MCC: variants seen among roughly 807,000 people sequenced by gnomAD.
The protein encoded by MCC is colorectal mutant cancer protein.
Under a neutral mutation model 116.2 loss-of-function variants are expected in MCC, and 90 were observed. That is an observed-to-expected ratio of 0.77 (90% CI 0.65 to 0.92). MCC has a LOEUF of 0.92. Among genes scored for constraint, MCC ranks in the 40% least tolerant of loss-of-function variants. The pLI, the probability that MCC is intolerant of heterozygous loss-of-function variation, is 0.00. For synonymous variants in MCC, 578 were observed against 510.5 expected (o/e 1.13, Z -1.78); for missense variants, 1,516 against 1,312.2 (o/e 1.16, Z -2.40).
intron 2 of MCC, among the ~76,000 whole-genome samples, chr5:113,383,461 T>C (rs775292852): frequency 1.3e-5 from 2 of 152,048 alleles, no homozygotes; most frequent in Non-Finnish European, 1.5e-5. Context: ...AAAGAAAAAC[T>C]GCAAGATACA....
At chr5:113,090,232 G>GT (rs1217156131) in intron 8 of MCC, among the ~76,000 whole-genome samples, 1 of 152,000 alleles carries the variant, frequency 6.6e-6, no homozygotes, top group Non-Finnish European at 1.5e-5. Flanking sequence ...AATAACAAAC[G>GT]TGATTTGCAG....
intron 3 of MCC, among the ~76,000 whole-genome samples, chr5:113,186,973 C>A (rs1330538121): frequency 6.6e-6 from 1 of 152,160 alleles, no homozygotes; most frequent in Non-Finnish European, 1.5e-5. Context: ...GCCCCCACAA[C>A]AATAATTATC....
intron 2 of MCC, among the ~76,000 whole-genome samples, chr5:113,352,101 TAA>T (rs1768282602): frequency 6.6e-6 from 1 of 152,184 alleles, no homozygotes; most frequent in Non-Finnish European, 1.5e-5. Context: ...ATGGACCATA[TAA>T]AGGGAAGTGG....
At chr5:113,296,427 AG>A (rs1766711819) in intron 3 of MCC, among the ~76,000 whole-genome samples, 1 of 152,192 alleles carries the variant, frequency 6.6e-6, no homozygotes. Flanking sequence ...TTGGCTGGAC[AG>A]GGTCTGGAGA....
intron 3 of MCC, among the ~76,000 whole-genome samples, chr5:113,279,570 G>T (rs1304231719): frequency 2.0e-5 from 3 of 152,140 alleles, no homozygotes; most frequent in African/African-American, 4.8e-5. Flanking sequence ...TCGTATCTTT[G>T]TAAGAAAGGA....
chr5:113,098,815 G>C (rs1756210012), intron 8 of MCC, among the ~76,000 whole-genome samples: 1 of 152,154 alleles, frequency 6.6e-6, no homozygotes, highest in Non-Finnish European at 1.5e-5. Flanking sequence ...AAAAGAAAAA[G>C]AAAGTGGCCC....
chr5:113,439,592 C>G (rs896893936), intron 1 of MCC, among the ~76,000 whole-genome samples: 1 of 152,104 alleles, frequency 6.6e-6, no homozygotes, highest in Non-Finnish European at 1.5e-5. Context: ...AATGGCCAGT[C>G]GTAAGTTTTC....
chr5:113,137,653 G>C (rs1295943087), intron 5 of MCC, among the ~76,000 whole-genome samples: 1 of 152,086 alleles, frequency 6.6e-6, no homozygotes, highest in Admixed American at 6.5e-5. Flanking sequence ...TGAAACTGGT[G>C]CTTTTGTTGT....
At chr5:113,305,361 G>A (rs540262855) in intron 3 of MCC, among the ~76,000 whole-genome samples, 1 of 152,308 alleles carries the variant, frequency 6.6e-6, no homozygotes, top group East Asian at 1.9e-4. Flanking sequence ...CTGTGCTCCA[G>A]TTAATATTCT....
Position 113,026,750 on chromosome 5 carries a change from C to G in MCC, c.*552G>C, listed in dbSNP as rs2150204343. ...ATGACCTATAACTCCCAGAGATCACCTCTTATGGCCGCCTCTATCTTAAAG... is the reference window on the plus strand; with the variant it reads ...ATGACCTATAACTCCCAGAGATCACGTCTTATGGCCGCCTCTATCTTAAAG... On this transcript the variant is annotated 3_prime_UTR_variant, in exon 19 of 19. Coordinates refer to ENST00000408903, the MANE Select transcript of MCC (RefSeq NM_001085377.2). 1 of 153,780 alleles carries G rather than the reference C, an allele frequency of 6.5e-6. No homozygotes were observed. The highest frequency in any genetic ancestry group is 2.4e-5 in the African/African-American group (1 of 41,582). The allele number at this position is 153,780 out of a possible 1,614,324, so 9.5% of individuals were successfully genotyped here.
chr5:113,083,120 T>C (rs1754975655), intron 10 of MCC, 112 bp from the exon 11 acceptor site: 8 of 989,574 alleles, frequency 8.1e-6, no homozygotes, highest in Admixed American at 2.7e-5. Flanking sequence ...ACTGGGAGGA[T>C]GGTTACCCTG....
chr5:113,248,903 C>CTGCA (rs1764678872), intron 3 of MCC, among the ~76,000 whole-genome samples: 1 of 108,634 alleles, frequency 9.2e-6, no homozygotes, highest in African/African-American at 3.6e-5. Flanking sequence ...TCTCAGCTCA[C>CTGCA]TGCAGCCTCT....
chr5:113,431,873 C>A (rs1770662486), intron 1 of MCC, among the ~76,000 whole-genome samples: 1 of 151,856 alleles, frequency 6.6e-6, no homozygotes. Context: ...TACAGTGGCT[C>A]ACACCTGTAA....
chr5:113,271,532 T>C (rs941913114), intron 3 of MCC, among the ~76,000 whole-genome samples: 26 of 152,210 alleles, frequency 1.7e-4, no homozygotes, highest in African/African-American at 6.0e-4. Flanking sequence ...GGAGTAACCA[T>C]CCAGGATTGC....
At chr5:113,214,620 T>A (rs1418637840) in intron 3 of MCC, among the ~76,000 whole-genome samples, 2 of 151,240 alleles carry the variant, frequency 1.3e-5, no homozygotes, top group African/African-American at 4.9e-5. Flanking sequence ...GCCTAAAGGC[T>A]TCTGCAGCTC....
intron 6 of MCC, among the ~76,000 whole-genome samples, chr5:113,110,136 A>T (rs756499360): frequency 5.9e-5 from 9 of 152,170 alleles, no homozygotes; most frequent in Non-Finnish European, 1.0e-4. Context: ...ATCAAAGGAA[A>T]CTGTTCTACA....
At chr5:113,167,262 TTTTTG>T (rs1307280265) in intron 3 of MCC, among the ~76,000 whole-genome samples, 1 of 152,318 alleles carries the variant, frequency 6.6e-6, no homozygotes, top group Non-Finnish European at 1.5e-5. Flanking sequence ...CAAAGCTAGC[TTTTTG>T]TTTTATTTTC....
intron 17 of MCC, among the ~76,000 whole-genome samples, chr5:113,039,351 C>CT (rs1191786667): frequency 1.3e-5 from 2 of 152,202 alleles, no homozygotes; most frequent in South Asian, 4.1e-4. Flanking sequence ...ACCTGGCTCA[C>CT]TCAGATCCTT....
chr5:113,466,416 G>A (rs1771910693), intron 1 of MCC, among the ~76,000 whole-genome samples: 1 of 142,988 alleles, frequency 7.0e-6, no homozygotes, highest in Non-Finnish European at 1.5e-5. Context: ...TCCCACCTAT[G>A]AGTGAGAACA....
Sources: allele counts gnomAD v4.1 joint callset (sites outside exome capture counted in the v4.1 genomes callset), GRCh38; gene constraint gnomAD v4.1.1; transcripts MANE v1.5; gene names NCBI Gene and HGNC (gene_info 2026-07-23, HGNC 2026-07-21).